FBXO39: variants seen among roughly 807,000 people sequenced by gnomAD.
FBXO39 encodes F-box only protein 39.
In FBXO39, 22 loss-of-function variants were observed where a neutral mutation model predicts 36.6. The observed-to-expected ratio is 0.60, with a 90% CI of 0.43 to 0.86. FBXO39 has a LOEUF of 0.86. FBXO39 is among the 40% of genes least tolerant of loss of function. FBXO39 has a pLI of 0.00. For missense variants in FBXO39, 536 were observed against 543.9 expected, an observed-to-expected ratio of 0.99 and a Z score of 0.14; for synonymous variants, 206 against 205.8, an observed-to-expected ratio of 1.00 and a Z score of -0.01.
chr17:6,777,944 G>A (rs1976453859), intron 1 of FBXO39, among the ~76,000 whole-genome samples: 1 of 152,212 alleles, frequency 6.6e-6, no homozygotes, highest in Non-Finnish European at 1.5e-5. Flanking sequence ...AAATCAGTGA[G>A]TGGGTGGTGA....
Position 6,783,631 on chromosome 17 carries a change from C to G in FBXO39, c.1023+2740C>G, listed in dbSNP as rs79589461. Among the ~76,000 whole-genome samples the G allele has an allele frequency of 0.015, 2,301 of 152,048 alleles. 91 individuals are homozygous for G. In the East Asian group the frequency reaches 0.17, roughly 11 times the overall value. On this transcript the variant is annotated intron_variant, in intron 2 of 3. Transcript: ENST00000321535. ...AGAGCCTATAACGAGCAACTATATG[C>G]CAATAAATTGGAAAACCCAGAAGAC...
intron 2 of FBXO39, among the ~76,000 whole-genome samples, chr17:6,782,341 G>T (rs1976518315): frequency 6.6e-6 from 1 of 151,956 alleles, no homozygotes; most frequent in Non-Finnish European, 1.5e-5. Flanking sequence ...TCCCTAAAAG[G>T]AACACAGGAA....
chr17:6,780,061 G>A lies in FBXO39; in HGVS notation c.193G>A (p.Gly65Arg), dbSNP rs776729788. The change falls in exon 2 of 4, where the codon GGG becomes AGG. Residue 65 changes from glycine (G) to arginine (R), a missense_variant. Transcript: ENST00000321535. ...LWRYRTITFS[G>R]RPSRVHASEV... ...GCGGTACAGAACCATCACCTTCAGC[G>A]GGAGACCTTCCAGGGTACATGCATC... 8.1e-6 allele frequency: 13 copies of A among 1,614,068 alleles called. No individual in the cohort carries two copies. Among genetic ancestry groups the A allele is most frequent in the South Asian group, 5.5e-5 (5 of 91,080 alleles).
In FBXO39 at chr17:6,787,502, G is replaced by A; in HGVS notation, c.*74G>A. ...TCATTTCTCTTAGAACTACACTTGG[G>A]CACTGCCGGCCCTTTTGCTCCTCTC... On this transcript the variant is annotated 3_prime_UTR_variant, in exon 4 of 4. Transcript: ENST00000321535. 6.4e-6 allele frequency: 10 copies of A among 1,574,570 alleles called. No homozygotes were observed. The highest frequency in any genetic ancestry group is 8.6e-6 in the Non-Finnish European group (10 of 1,156,278).
chr17:6,784,285 T>A (rs761139679), intron 2 of FBXO39, among the ~76,000 whole-genome samples: 8 of 152,212 alleles, frequency 5.3e-5, no homozygotes, highest in Non-Finnish European at 1.2e-4. Flanking sequence ...AAGCCATATA[T>A]GACAGACCCA....
chr17:6,783,025 C>A (rs757403029), intron 2 of FBXO39, among the ~76,000 whole-genome samples: 5 of 151,926 alleles, frequency 3.3e-5, no homozygotes, highest in Non-Finnish European at 7.4e-5. Context: ...TGTTAGGTCA[C>A]AAAAAAGTCT....
At chr17:6,781,521 C>T (rs886254721) in intron 2 of FBXO39, among the ~76,000 whole-genome samples, 1 of 152,144 alleles carries the variant, frequency 6.6e-6, no homozygotes, top group Non-Finnish European at 1.5e-5. Flanking sequence ...TCTCTACAAA[C>T]ATGGATGGAC....
In FBXO39 at chr17:6,779,888, T is replaced by C; in HGVS notation, c.20T>C (p.Leu7Pro). 1 of 1,614,198 alleles carries C rather than the reference T, an allele frequency of 6.2e-7. No homozygotes were observed. Among genetic ancestry groups the C allele is most frequent in the Non-Finnish European group, 8.5e-7 (1 of 1,180,038 alleles). The change falls in exon 2 of 4, where the codon CTG becomes CCG. Residue 7 changes from leucine (L) to proline (P), a missense_variant. Coordinates refer to ENST00000321535, the MANE Select transcript of FBXO39 (RefSeq NM_153230.3). ...TCCTGGATGGACGAAGAAAGTGAAC[T>C]GATCCAGCCCCAAGACCAGAGCTGC... MDEESE[L>P]IQPQDQSCWA...
At position 6,787,571 on chromosome 17, in the gene FBXO39, AC is replaced by A; in HGVS notation, c.*145del. 1 of 927,874 alleles carries A rather than the reference AC, an allele frequency of 1.1e-6. No homozygotes were observed. Among genetic ancestry groups the A allele is most frequent in the Non-Finnish European group, 1.6e-6 (1 of 628,032 alleles). The allele number at this position is 927,874 out of a possible 1,614,324, so 57.5% of individuals were successfully genotyped here. ...TTTTTGTCAGCTCCATGACAACATG[AC>A]CAGCTCAGCAAAGGCTGAGACTGCC... On this transcript the variant is annotated 3_prime_UTR_variant, in exon 4 of 4. Transcript: ENST00000321535.
chr17:6,784,927 A>G (rs1384716201), intron 2 of FBXO39, among the ~76,000 whole-genome samples: 1 of 102,908 alleles, frequency 9.7e-6, no homozygotes, highest in Non-Finnish European at 1.9e-5. Flanking sequence ...TTATATATAT[A>G]TATGTGTGTG....
rs971984273 is a variant in FBXO39, at chr17:6,785,349, T to C, written c.1024-1431T>C. 2.0e-5 allele frequency among the ~76,000 whole-genome samples: 3 copies of C among 152,222 alleles called. No individual in the cohort carries two copies. In the South Asian group the frequency reaches 6.2e-4, roughly 32 times the overall value. On this transcript the variant is annotated intron_variant, in intron 2 of 3. Coordinates refer to ENST00000321535, the MANE Select transcript of FBXO39 (RefSeq NM_153230.3). ...GCCATATATGAAAATCAAATCAAAA[T>C]GGACTAAAGACTTCAATCTAAGACC...
intron 2 of FBXO39, among the ~76,000 whole-genome samples, chr17:6,784,951 GTGTATA>G (rs762662973): frequency 1.6e-5 from 2 of 128,962 alleles, no homozygotes; most frequent in African/African-American, 7.1e-5. Context: ...GTGTGTGTGT[GTGTATA>G]TATATATATG....
Position 6,780,303 on chromosome 17 carries a change from C to G in FBXO39, c.435C>G (p.Ile145Met), listed in dbSNP as rs1399396548. ...ACCGCCTGGTATGGAGGAACAGCAT[C>G]AGGAGCTCATTCATCAGCAGCTTGA... ...ELDRLVWRNS[I>M]RSSFISSLSF... The change falls in exon 2 of 4, where the codon ATC becomes ATG. Residue 145 changes from isoleucine (I) to methionine (M), a missense_variant. Physicochemically the swap from Ile to Met is conservative, Grantham distance 10 (BLOSUM62 1). Coordinates refer to ENST00000321535, the MANE Select transcript of FBXO39 (RefSeq NM_153230.3). 3 of 1,614,144 alleles carry G rather than the reference C, an allele frequency of 1.9e-6. No individual in the cohort carries two copies. The highest frequency in any genetic ancestry group is 1.7e-5 in the Admixed American group (1 of 60,028).
Position 6,780,448 on chromosome 17 carries a change from G to A in FBXO39, c.580G>A (p.Val194Met), listed in dbSNP as rs1222740488. 3.1e-6 allele frequency: 5 copies of A among 1,614,170 alleles called. No individual in the cohort carries two copies. Among genetic ancestry groups the A allele is most frequent in the Non-Finnish European group, 4.2e-6 (5 of 1,180,046 alleles). The part of the protein sequence containing the change: ...DSLSYMRNEN[V>M]ISELNIEDYF... ...CCTCAGCTACATGAGGAATGAGAAT[G>A]TGATCTCAGAGCTCAACATCGAGGA... Residue 194 changes from valine (V) to methionine (M), a missense_variant, in exon 2 of 4, where the codon GTG (valine) becomes ATG (methionine). Transcript: ENST00000321535.
chr17:6,777,714 T>G (rs1456783941), intron 1 of FBXO39, among the ~76,000 whole-genome samples: 1 of 152,192 alleles, frequency 6.6e-6, no homozygotes, highest in Admixed American at 6.5e-5. Flanking sequence ...AAGGAGGTTG[T>G]CAAGGGGTGT....
In FBXO39 at chr17:6,786,821, C is replaced by T. The variant is rs555381081; in HGVS notation, c.1065C>T (p.Asp355=). ...CEFNNNHESL[D]EELHLLIISC... ...TCAACAACAACCATGAGTCACTCGA[C>T]GAGGAGCTGCACCTCCTCATCATAT... is the stretch of plus-strand genomic sequence containing the variant. Residue 355 remains aspartate, a synonymous_variant, in exon 3 of 4, where the codon GAC becomes GAT. Transcript: ENST00000321535. The T allele has an allele frequency of 1.2e-4, 196 of 1,612,322 alleles. 1 individual carries two copies. The South Asian group carries it at 1.3e-3, about 11-fold the overall frequency.
chr17:6,780,701 G>T lies in FBXO39; in HGVS notation c.833G>T (p.Arg278Met), dbSNP rs183581445. 1.9e-6 allele frequency: 3 copies of T among 1,614,188 alleles called. No homozygotes were observed. The highest frequency in any genetic ancestry group is 2.5e-6 in the Non-Finnish European group (3 of 1,180,026). Residue 278 changes from arginine (R) to methionine (M), a missense_variant, in exon 2 of 4, where the codon AGG becomes ATG. Transcript: ENST00000321535. ...GGTATGTCCTGGGCCAAGCTGGCCA[G>T]GCAGGCCACCAATCTGAAGGTGAAC... ...IWGMSWAKLA[R>M]QATNLKVNFF...
In FBXO39 at chr17:6,778,736, T is replaced by C. The variant is rs74469179; in HGVS notation, c.-80-1053T>C. ...AAATGAAACTTTGAAAGCAAAAAAC[T>C]GTAAAAAGTTTAGCAGATGGCTATA... On this transcript the variant is annotated intron_variant, in intron 1 of 3. Coordinates refer to ENST00000321535, the MANE Select transcript of FBXO39 (RefSeq NM_153230.3). Among the ~76,000 whole-genome samples, 382 of 152,272 alleles carry C rather than the reference T, an allele frequency of 2.5e-3. 1 individual carries two copies. Among genetic ancestry groups the C allele is most frequent in the African/African-American group, 8.7e-3 (363 of 41,542 alleles).
At position 6,787,373 on chromosome 17, in the gene FBXO39, G is replaced by A. The variant is rs368835979; in HGVS notation, c.1274G>A (p.Arg425Lys). 6.2e-7 allele frequency: 1 copy of A among 1,614,082 alleles called. No homozygotes were observed. The highest frequency in any genetic ancestry group is 1.1e-5 in the South Asian group (1 of 91,066). The part of the protein sequence containing the change: ...KTLQEIYRKY[R>K]KLIESELSYF... ...CTGCAGGAAATTTACAGGAAGTACA[G>A]AAAGCTGATCGAATCAGAGCTTAGC... Residue 425 changes from arginine (R) to lysine (K), a missense_variant, in exon 4 of 4, where the codon AGA becomes AAA. Coordinates refer to ENST00000321535, the MANE Select transcript of FBXO39 (RefSeq NM_153230.3).
Sources: allele counts gnomAD v4.1 joint callset (sites outside exome capture counted in the v4.1 genomes callset), GRCh38; gene constraint gnomAD v4.1.1; transcripts MANE v1.5; gene names NCBI Gene and HGNC (gene_info 2026-07-23, HGNC 2026-07-21).